The following FAM83G variants were observed in gnomAD, a reference collection of about 807,000 sequenced individuals.
FAM83G encodes protein FAM83G.
In FAM83G, 38 loss-of-function variants were observed where a neutral mutation model predicts 61.5. The ratio of observed to expected loss-of-function variants is 0.62; its 90% CI spans 0.48 to 0.81. The LOEUF (loss-of-function observed/expected upper bound fraction) is 0.81. FAM83G is among the 30% of genes least tolerant of loss of function. The pLI is 0.00. For missense variants in FAM83G, 989 were observed against 1,133.6 expected (o/e 0.87, Z 1.83); for synonymous variants, 470 against 476.1 (o/e 0.99, Z 0.17).
At chr17:18,989,402 C>G (rs1426997262) in intron 2 of FAM83G, among the ~76,000 whole-genome samples, 1 of 152,108 alleles carries the variant, frequency 6.6e-6, no homozygotes, top group Non-Finnish European at 1.5e-5. Flanking sequence ...AGTGAGCTCA[C>G]CAGGCTGGCC....
intron 5 of FAM83G, chr17:18,976,955 C>A (rs2472715): frequency 0.36 from 575,369 of 1,613,064 alleles, 106,310 homozygotes; most frequent in Non-Finnish European, 0.38. Context: ...GCCTGATCAT[C>A]ATGCCGGGCA....
intron 3 of FAM83G, among the ~76,000 whole-genome samples, chr17:18,986,939 G>A (rs556057604): frequency 1.1e-4 from 16 of 152,350 alleles, no homozygotes; most frequent in Middle Eastern, 3.4e-3. Flanking sequence ...CTAATTACGC[G>A]GCGGGGAGTG....
At position 19,004,174 on chromosome 17, in the gene FAM83G, G is replaced by C. The variant is rs920952074; in HGVS notation, c.-128-5C>G. The C allele has an allele frequency of 1.2e-6, 1 of 865,378 alleles. No homozygotes were observed. Among genetic ancestry groups the C allele is most frequent in the Non-Finnish European group, 1.7e-6 (1 of 588,792 alleles). 53.6% of individuals were successfully genotyped at this position (865,378 alleles called of 1,614,324 possible). On this transcript the variant is annotated splice_region_variant and splice_polypyrimidine_tract_variant and intron_variant, in intron 1 of 5. Transcript: ENST00000388995. This position sits in a 1 kb window ranked among gnomAD's most constrained non-coding sequence, Gnocchi z 5.4. ...GCTTCTCTGCCCATGAGCAATCTGC[G>C]GGAAAGACCTGATGAGCCCGGCTCG...
chr17:18,993,144 A>AG, intron 2 of FAM83G, among the ~76,000 whole-genome samples: 1 of 152,202 alleles, frequency 6.6e-6, no homozygotes, highest in South Asian at 2.1e-4. Context: ...GCACCTCTTC[A>AG]GGGGGGCCCT....
chr17:18,971,843 C>G lies in FAM83G; in HGVS notation c.2083-95G>C, dbSNP rs560738457. 7 of 1,384,980 alleles carry G rather than the reference C, an allele frequency of 5.1e-6. No homozygotes were observed. The South Asian group carries it at 5.9e-5, about 12-fold the overall frequency. 85.8% of individuals were successfully genotyped at this position (1,384,980 alleles called of 1,614,324 possible). A position where few individuals can be genotyped will look rare whatever the true frequency, so the allele number is the denominator to read the frequency against. On this transcript the variant is annotated intron_variant, in intron 5 of 5. Coordinates refer to ENST00000388995, the MANE Select transcript of FAM83G (RefSeq NM_001039999.3). The surrounding 1 kb of genome is among the most constrained non-coding windows in gnomAD (Gnocchi z 5.5). ...TCAGGCACACAGGAGCCGGCAGGCC[C>G]GGGTTCGCCTCCTGGCTCTGCCATT... is the stretch of plus-strand genomic sequence containing the variant.
intron 5 of FAM83G, among the ~76,000 whole-genome samples, chr17:18,972,182 G>A (rs986655928): frequency 6.6e-6 from 1 of 152,306 alleles, no homozygotes; most frequent in Admixed American, 6.5e-5. Flanking sequence ...AGCAGATGGT[G>A]CCCTTGCTTT....
intron 3 of FAM83G, among the ~76,000 whole-genome samples, chr17:18,981,385 C>T (rs893470018): frequency 6.6e-6 from 1 of 152,314 alleles, no homozygotes; most frequent in Non-Finnish European, 1.5e-5. Flanking sequence ...AGACCCTGCA[C>T]CGGCTTAAGA....
At position 18,988,653 on chromosome 17, in the gene FAM83G, C is replaced by T. The variant is rs567269170; in HGVS notation, c.523-239G>A. On this transcript the variant is annotated intron_variant, in intron 2 of 5. Coordinates refer to ENST00000388995, the MANE Select transcript of FAM83G (RefSeq NM_001039999.3). ...CCCAGGGGCCCTGTGTTGGTGCATTCCCAGGCCAGGGCCGGCTACGCTCTG... is the reference window on the plus strand; with the variant it reads ...CCCAGGGGCCCTGTGTTGGTGCATTTCCAGGCCAGGGCCGGCTACGCTCTG... Among the ~76,000 whole-genome samples, 8 of 152,370 alleles carry T rather than the reference C, an allele frequency of 5.3e-5. No individual in the cohort carries two copies. The South Asian group carries it at 1.7e-3, about 32-fold the overall frequency.
At chr17:19,005,654 C>G (rs976813447), upstream of FAM83G, among the ~76,000 whole-genome samples, 1 of 151,956 alleles carries the variant, frequency 6.6e-6, no homozygotes. Flanking sequence ...CAAACCCCCC[C>G]CCTCCAAGGC....
At chr17:18,973,849 C>T (rs953262734) in intron 5 of FAM83G, among the ~76,000 whole-genome samples, 1 of 151,158 alleles carries the variant, frequency 6.6e-6, no homozygotes, top group African/African-American at 2.4e-5. Flanking sequence ...AGGCATGTGC[C>T]ACCACACTCG....
At chr17:18,981,140 G>C (rs773933303) in intron 3 of FAM83G, among the ~76,000 whole-genome samples, 12 of 152,176 alleles carry the variant, frequency 7.9e-5, no homozygotes, top group Non-Finnish European at 1.5e-4. Context: ...GGAGGCTGAG[G>C]GGGTAAACGA....
chr17:18,973,647 C>T (rs2042908811), intron 5 of FAM83G, among the ~76,000 whole-genome samples: 1 of 152,150 alleles, frequency 6.6e-6, no homozygotes, highest in Non-Finnish European at 1.5e-5. Flanking sequence ...TCAAAGATAG[C>T]CACAGTCTAG....
At chr17:18,998,366 C>A (rs73981283) in intron 2 of FAM83G, among the ~76,000 whole-genome samples, 9,497 of 152,336 alleles carry the variant, frequency 0.062, 978 homozygotes, top group African/African-American at 0.22. Flanking sequence ...GTGGGACCAG[C>A]ACTCTCTGCT....
chr17:19,001,753 C>T (rs949244145), intron 2 of FAM83G, among the ~76,000 whole-genome samples: 1 of 152,196 alleles, frequency 6.6e-6, no homozygotes, highest in African/African-American at 2.4e-5. Flanking sequence ...CTGGGGTCAG[C>T]AGGTGAAGTC....
chr17:18,985,167 C>T (rs977514349), intron 3 of FAM83G, among the ~76,000 whole-genome samples: 9 of 152,334 alleles, frequency 5.9e-5, no homozygotes, highest in African/African-American at 2.2e-4. Flanking sequence ...TGTGCCTGTC[C>T]CTAGCCAAAG....
intron 5 of FAM83G, 174 bp downstream of exon 5, chr17:18,977,410 T>C: frequency 1.5e-6 from 1 of 659,798 alleles, no homozygotes; most frequent in Non-Finnish European, 2.5e-6. Flanking sequence ...TGGCCTTCCA[T>C]ATGGCCCTGG....
At chr17:18,994,316 C>CT (rs1455226183) in intron 2 of FAM83G, among the ~76,000 whole-genome samples, 1 of 152,196 alleles carries the variant, frequency 6.6e-6, no homozygotes, top group East Asian at 1.9e-4. Flanking sequence ...CCCACTATTT[C>CT]CAGGCTGCAG....
chr17:18,983,851 G>A (rs959676672), intron 3 of FAM83G, among the ~76,000 whole-genome samples: 1 of 152,204 alleles, frequency 6.6e-6, no homozygotes, highest in African/African-American at 2.4e-5. Context: ...GCCCTGGTCT[G>A]AGGGGCTCCT....
intron 5 of FAM83G, among the ~76,000 whole-genome samples, chr17:18,973,872 ATTTTTTTTTAAGTTTTTTTT>A (rs2042914176): frequency 1.4e-5 from 1 of 73,224 alleles, no homozygotes; most frequent in African/African-American, 5.1e-5. Flanking sequence ...TAATTTTTGT[ATTTTTTTTTAAGTTTTTTTT>A]TTTTTTTTTT....
Sources: gnomAD v4.1 joint callset for allele counts (sites outside exome capture counted in the v4.1 genomes callset) on GRCh38, gnomAD v4.1.1 for gene constraint, Gnocchi (gnomAD v3.1) non-coding constraint, MANE v1.5 for transcripts, NCBI Gene and HGNC (gene_info 2026-07-23, HGNC 2026-07-21) for gene names.